ZFAT: variants seen among roughly 807,000 people sequenced by gnomAD.
The protein encoded by ZFAT is zinc finger protein ZFAT.
In ZFAT, 64 loss-of-function variants were observed where a neutral mutation model predicts 117.7. The observed-to-expected ratio is 0.54, with a 90% CI of 0.44 to 0.67. The LOEUF is 0.67. ZFAT is among the 30% of genes least tolerant of loss of function. ZFAT has a pLI of 0.00. For synonymous variants in ZFAT, 679 were observed against 615.0 expected (o/e 1.10, Z -1.54); for missense variants, 1,433 against 1,584.5 (o/e 0.90, Z 1.62).
chr8:134,688,506 G>C (rs1321142601), intron 1 of ZFAT, among the ~76,000 whole-genome samples: 1 of 152,154 alleles, frequency 6.6e-6, no homozygotes, highest in Non-Finnish European at 1.5e-5. Flanking sequence ...CAAATCCCAA[G>C]AACTGAGAAA....
chr8:134,574,121 G>A (rs761121541), intron 10 of ZFAT, among the ~76,000 whole-genome samples: 3 of 152,188 alleles, frequency 2.0e-5, no homozygotes, highest in Non-Finnish European at 4.4e-5. Flanking sequence ...GACTCTCCAC[G>A]TTGAAGGAAG....
At chr8:134,642,217 G>C (rs891491803) in intron 2 of ZFAT, among the ~76,000 whole-genome samples, 1 of 152,210 alleles carries the variant, frequency 6.6e-6, no homozygotes, top group African/African-American at 2.4e-5. Context: ...AGTCAAAAAT[G>C]TATCTGCAGA....
intron 1 of ZFAT, among the ~76,000 whole-genome samples, chr8:134,704,613 T>G (rs1586974177): frequency 6.6e-6 from 1 of 152,204 alleles, no homozygotes; most frequent in Admixed American, 6.5e-5. Context: ...CTTCAAAAAT[T>G]ACTATAAAGC....
In ZFAT at chr8:134,692,745, C is replaced by T. The variant is rs144952053; in HGVS notation, c.19+20100G>A. On this transcript the variant is annotated intron_variant, in intron 1 of 15. Transcript: ENST00000377838. ...TAACTTTGGAAGCTGCTGTTTACAC[C>T]AGATGCCTCGGGCTAAAGAGAAGAA... Among the ~76,000 whole-genome samples the T allele has an allele frequency of 2.2e-3, 337 of 152,332 alleles. 2 individuals carry two copies. Among genetic ancestry groups the T allele is most frequent in the African/African-American group, 7.7e-3 (321 of 41,568 alleles).
chr8:134,486,263 T>C (rs1817647460), intron 15 of ZFAT, among the ~76,000 whole-genome samples: 1 of 151,766 alleles, frequency 6.6e-6, no homozygotes. Flanking sequence ...GCCTGTGCCC[T>C]CCGTCAGGCA....
At chr8:134,487,935 T>G (rs1054240171) in intron 15 of ZFAT, among the ~76,000 whole-genome samples, 1 of 152,078 alleles carries the variant, frequency 6.6e-6, no homozygotes, top group Admixed American at 6.5e-5. Flanking sequence ...GGATAAAGAG[T>G]GCAGAGTGGA....
chr8:134,578,316 CAGG>C (rs1470478427), intron 10 of ZFAT, among the ~76,000 whole-genome samples: 4 of 147,934 alleles, frequency 2.7e-5, no homozygotes, highest in Middle Eastern at 3.5e-3. Context: ...GAGGCTGAGG[CAGG>C]AGAATCGCTT....
At chr8:134,520,761 G>A in intron 13 of ZFAT, 122 bp downstream of exon 13, 2 of 761,106 alleles carry the variant, frequency 2.6e-6, no homozygotes, top group Middle Eastern at 2.4e-4. Context: ...CGTTTCAGAA[G>A]TTCCCCAAAC....
At chr8:134,782,454 T>C in the ZFAT span, among the ~76,000 whole-genome samples, 1 of 152,216 alleles carries the variant, frequency 6.6e-6, no homozygotes, top group South Asian at 2.1e-4. Flanking sequence ...TACCAAGGCC[T>C]GTTTCTGACT....
chr8:134,748,106 T>C, the ZFAT span, among the ~76,000 whole-genome samples: 5 of 152,250 alleles, frequency 3.3e-5, no homozygotes, highest in African/African-American at 1.2e-4. Flanking sequence ...ATAAAATTTA[T>C]ATGTACAGTT....
At chr8:134,808,069 A>G in the ZFAT span, among the ~76,000 whole-genome samples, 1 of 152,208 alleles carries the variant, frequency 6.6e-6, no homozygotes, top group Non-Finnish European at 1.5e-5. Flanking sequence ...GCAGATGATA[A>G]TTCTATTTTA....
intron 11 of ZFAT, among the ~76,000 whole-genome samples, chr8:134,560,855 A>G (rs1217418758): frequency 5.9e-5 from 9 of 152,270 alleles, no homozygotes; most frequent in Non-Finnish European, 1.0e-4. Context: ...AAAGAGTCGA[A>G]TAGCTAGATG....
the ZFAT span, among the ~76,000 whole-genome samples, chr8:134,757,009 C>CTTTTTTTT: frequency 7.4e-5 from 6 of 81,212 alleles, no homozygotes; most frequent in East Asian, 3.7e-4. Flanking sequence ...ACCTTCTTTC[C>CTTTTTTTT]TTTTTTTTTT....
intron 1 of ZFAT, among the ~76,000 whole-genome samples, chr8:134,679,279 G>A (rs1832953482): frequency 6.6e-6 from 1 of 152,108 alleles, no homozygotes; most frequent in African/African-American, 2.4e-5. Flanking sequence ...GTGAGTGAAG[G>A]ATATGAATAG....
chr8:134,801,039 T>C, the ZFAT span, among the ~76,000 whole-genome samples: 1 of 152,134 alleles, frequency 6.6e-6, no homozygotes, highest in African/African-American at 2.4e-5. Flanking sequence ...CAATCAAACT[T>C]GCATTTATAA....
At chr8:134,723,532 G>A in the ZFAT span, 4 of 152,338 alleles carry the variant, frequency 2.6e-5, no homozygotes, top group Non-Finnish European at 5.9e-5. Flanking sequence ...CCTTCAGCAA[G>A]ACGGACCACC....
chr8:134,734,264 T>G, the ZFAT span, among the ~76,000 whole-genome samples: 1 of 152,240 alleles, frequency 6.6e-6, no homozygotes, highest in Non-Finnish European at 1.5e-5. Flanking sequence ...AGGATACTCC[T>G]GCCACTTCTG....
intron 12 of ZFAT, among the ~76,000 whole-genome samples, chr8:134,529,373 G>A (rs192836700): frequency 6.6e-6 from 1 of 152,320 alleles, no homozygotes; most frequent in Non-Finnish European, 1.5e-5. Flanking sequence ...ATTTTAAGGG[G>A]AGGAAAGGGG....
the ZFAT span, among the ~76,000 whole-genome samples, chr8:134,802,926 T>C: frequency 6.6e-6 from 1 of 152,166 alleles, no homozygotes; most frequent in Non-Finnish European, 1.5e-5. Flanking sequence ...GGTTCTTCAA[T>C]ATAAAAACAT....
Sources: gnomAD v4.1 joint callset for allele counts (sites outside exome capture counted in the v4.1 genomes callset) on GRCh38, gnomAD v4.1.1 for gene constraint, MANE v1.5 for transcripts, NCBI Gene and HGNC (gene_info 2026-07-23, HGNC 2026-07-21) for gene names.